Variants in ATRNL1 observed in about 807,000 individuals in gnomAD.
The protein encoded by ATRNL1 is attractin-like protein 1.
In ATRNL1, 95 loss-of-function variants were observed where a neutral mutation model predicts 182.7. The ratio of observed to expected loss-of-function variants is 0.52; its 90% CI spans 0.44 to 0.62. ATRNL1 has a LOEUF of 0.62. Ranked by LOEUF, ATRNL1 falls within the 20% of genes least tolerant of loss-of-function variation. The pLI is 0.00. For synonymous variants in ATRNL1, 576 were observed against 568.3 expected, an observed-to-expected ratio of 1.01 and a Z score of -0.19; for missense variants, 1,471 against 1,679.5, an observed-to-expected ratio of 0.88 and a Z score of 2.17.
At chr10:115,098,530 C>T (rs1372861268) in intron 1 of ATRNL1, among the ~76,000 whole-genome samples, 3 of 140,364 alleles carry the variant, frequency 2.1e-5, no homozygotes, top group Non-Finnish European at 4.5e-5. Context: ...GGCGCAATCT[C>T]GGCTCACTGC....
chr10:115,644,740 C>G (rs1859489845), intron 26 of ATRNL1, among the ~76,000 whole-genome samples: 1 of 152,114 alleles, frequency 6.6e-6, no homozygotes, highest in Non-Finnish European at 1.5e-5. Context: ...TGCCTCAATG[C>G]CTCTCCTCAT....
chr10:115,166,722 G>A (rs1554884442), intron 7 of ATRNL1, among the ~76,000 whole-genome samples: 4 of 151,830 alleles, frequency 2.6e-5, no homozygotes, highest in East Asian at 1.9e-4. Flanking sequence ...GTCTATTCAG[G>A]TCTTTAGCCA....
chr10:115,486,525 G>C (rs1249576475), intron 24 of ATRNL1, among the ~76,000 whole-genome samples: 2 of 151,696 alleles, frequency 1.3e-5, no homozygotes, highest in African/African-American at 4.8e-5. Flanking sequence ...TCATATTTTT[G>C]TTGGCCACAG....
At chr10:115,520,206 C>G (rs1554984838) in intron 25 of ATRNL1, among the ~76,000 whole-genome samples, 1 of 152,150 alleles carries the variant, frequency 6.6e-6, no homozygotes, top group Non-Finnish European at 1.5e-5. Context: ...GCTGGGCTGC[C>G]ATACAGTAAA....
intron 18 of ATRNL1, among the ~76,000 whole-genome samples, chr10:115,324,471 G>A (rs1197283110): frequency 6.6e-6 from 1 of 152,220 alleles, no homozygotes; most frequent in East Asian, 1.9e-4. Context: ...GTATCTACAA[G>A]GGCCATTTAC....
At chr10:115,445,506 CGTGTGTGTGTGTGTGTGTGTGT>C (rs57237450) in intron 21 of ATRNL1, among the ~76,000 whole-genome samples, 30 of 119,270 alleles carry the variant, frequency 2.5e-4, no homozygotes, top group African/African-American at 9.3e-4. Flanking sequence ...CTCATTTGTC[CGTGTGTGTGTGTGTGTGTGTGT>C]GTGTGTGTGT....
chr10:115,682,877 A>G (rs1555045154), intron 26 of ATRNL1, among the ~76,000 whole-genome samples: 1 of 152,192 alleles, frequency 6.6e-6, no homozygotes, highest in African/African-American at 2.4e-5. Context: ...GTATTAGGAA[A>G]GAGATTAAAG....
rs577398030 is a variant in ATRNL1, at chr10:115,096,768, G to C, written c.293+2725G>C. On this transcript the variant is annotated intron_variant, in intron 1 of 28. Coordinates refer to ENST00000355044, the MANE Select transcript of ATRNL1 (RefSeq NM_207303.4). The stretch of plus-strand genomic sequence containing the variant: ...GTGGTACTTCAGTTCTCTTAGCATT[G>C]ATTCCAGTCTTCTGTTTCCATTTGA... 203 of 1,264,130 alleles carry C rather than the reference G, an allele frequency of 1.6e-4. No individual in the cohort carries two copies. In the Middle Eastern group the frequency reaches 2.6e-3, roughly 16 times the overall value. 78.3% of individuals were successfully genotyped at this position (1,264,130 alleles called of 1,614,324 possible). A position where few individuals can be genotyped will look rare whatever the true frequency, so the allele number is the denominator to read the frequency against.
chr10:115,558,065 C>CAAAAAAAAAAAAAAAA (rs113014620), intron 26 of ATRNL1, among the ~76,000 whole-genome samples: 3 of 144,622 alleles, frequency 2.1e-5, no homozygotes, highest in Admixed American at 6.9e-5. Context: ...AACAAAAAAA[C>CAAAAAAAAAAAAAAAA]AAAAAAAAAA....
chr10:115,631,062 G>T (rs1858472950), intron 26 of ATRNL1, among the ~76,000 whole-genome samples: 1 of 151,602 alleles, frequency 6.6e-6, no homozygotes, highest in East Asian at 1.9e-4. Context: ...CAGGGGTGGG[G>T]AGGGGGGTGT....
chr10:115,501,735 G>A (rs563974536), intron 24 of ATRNL1, among the ~76,000 whole-genome samples: 201 of 152,084 alleles, frequency 1.3e-3, no homozygotes, highest in African/African-American at 4.7e-3. Flanking sequence ...TCTTGACATT[G>A]AAAAAACAAA....
chr10:115,683,260 T>G (rs1946108393), intron 26 of ATRNL1, among the ~76,000 whole-genome samples: 1 of 152,026 alleles, frequency 6.6e-6, no homozygotes, highest in South Asian at 2.1e-4. Context: ...CCAACAGAGG[T>G]GCAAACATTA....
rs563898061 is a variant in ATRNL1 at position 115,225,052 on chromosome 10, T to C, written c.1532+9172T>C. On this transcript the variant is annotated intron_variant, in intron 9 of 28. Coordinates refer to ENST00000355044, the MANE Select transcript of ATRNL1 (RefSeq NM_207303.4). ...GGCCAGCATAACCTTGATATAAAAA[T>C]ATGAAAAGGATGTTACAGGTAAGGA... 3.3e-5 allele frequency among the ~76,000 whole-genome samples: 5 copies of C among 152,160 alleles called. No homozygotes were observed. In the South Asian group the frequency reaches 1.0e-3, roughly 32 times the overall value.
chr10:115,118,275 C>T (rs1431083322), intron 1 of ATRNL1, among the ~76,000 whole-genome samples: 1 of 152,086 alleles, frequency 6.6e-6, no homozygotes, highest in Non-Finnish European at 1.5e-5. Context: ...AATCTTTGCC[C>T]AGTCCAATAT....
At chr10:115,840,207 G>T (rs1950771751) in intron 27 of ATRNL1, among the ~76,000 whole-genome samples, 1 of 152,070 alleles carries the variant, frequency 6.6e-6, no homozygotes, top group Non-Finnish European at 1.5e-5. Flanking sequence ...GTAAGTATGG[G>T]AAGTTTGGCA....
intron 9 of ATRNL1, among the ~76,000 whole-genome samples, chr10:115,222,158 A>G (rs1422856557): frequency 2.0e-5 from 3 of 152,200 alleles, no homozygotes; most frequent in African/African-American, 7.2e-5. Context: ...ACTGAAAAAT[A>G]CATTGAGTAA....
At chr10:115,162,194 T>G (rs997376990) in intron 6 of ATRNL1, among the ~76,000 whole-genome samples, 1 of 151,532 alleles carries the variant, frequency 6.6e-6, no homozygotes, top group Non-Finnish European at 1.5e-5. Flanking sequence ...CATGAACATA[T>G]ATACATATAG....
At chr10:115,726,551 T>G (rs1245450861) in intron 26 of ATRNL1, among the ~76,000 whole-genome samples, 1 of 152,228 alleles carries the variant, frequency 6.6e-6, no homozygotes, top group Non-Finnish European at 1.5e-5. Flanking sequence ...CTTGCTAGTT[T>G]ATTGGTTTTA....
intron 27 of ATRNL1, among the ~76,000 whole-genome samples, chr10:115,738,241 C>T (rs1948034335): frequency 3.9e-5 from 1 of 25,510 alleles, no homozygotes; most frequent in South Asian, 1.6e-3. Flanking sequence ...CAGATTCAGG[C>T]AATTCTCCTG....
Sources: gnomAD v4.1 joint callset for allele counts (sites outside exome capture counted in the v4.1 genomes callset) on GRCh38, gnomAD v4.1.1 for gene constraint, MANE v1.5 for transcripts, NCBI Gene and HGNC (gene_info 2026-07-23, HGNC 2026-07-21) for gene names.